Variants in SPTBN2 observed in about 807,000 individuals in gnomAD.
The protein encoded by SPTBN2 is spectrin beta, non-erythrocytic 2.
Under a neutral mutation model 284.2 loss-of-function variants are expected in SPTBN2, and 107 were observed. The ratio of observed to expected loss-of-function variants is 0.38; its 90% CI spans 0.32 to 0.44. The LOEUF (loss-of-function observed/expected upper bound fraction) is 0.44. Ranked by LOEUF, SPTBN2 falls within the 20% of genes least tolerant of loss-of-function variation. SPTBN2 has a pLI of 1.00. For missense variants in SPTBN2, 2,569 were observed against 3,287.1 expected (o/e 0.78, Z 5.34); for synonymous variants, 1,289 against 1,354.8 (o/e 0.95, Z 1.07).
chr11:66,701,147 G>C lies in SPTBN2; in HGVS notation c.2952C>G (p.Thr984=). Residue 984 remains threonine, a synonymous_variant, in exon 17 of 38, where the codon ACC becomes ACG. Transcript: ENST00000533211. ...CAGCCAGATCGTTGCCTAGGCCCTG[G>C]GTGGACTCGATGACTTTGGTCTTCT... ...MREKTKVIES[T]QGLGNDLAGV... The C allele has an allele frequency of 1.9e-6, 3 of 1,613,148 alleles. No individual in the cohort carries two copies. The highest frequency in any genetic ancestry group is 2.5e-6 in the Non-Finnish European group (3 of 1,180,030).
intron 1 of SPTBN2, among the ~76,000 whole-genome samples, chr11:66,734,568 A>G (rs1314589874): frequency 6.6e-6 from 1 of 152,126 alleles, no homozygotes; most frequent in African/African-American, 2.4e-5. Context: ...CTCATCCTTC[A>G]GGTATCAATT....
In SPTBN2 at chr11:66,691,498, G is replaced by T; in HGVS notation, c.5351C>A (p.Ala1784Asp). The T allele has an allele frequency of 2.5e-6, 4 of 1,612,200 alleles. No individual in the cohort carries two copies. The highest frequency in any genetic ancestry group is 2.5e-6 in the Non-Finnish European group (3 of 1,180,020). The change falls in exon 27 of 38, where the codon GCT becomes GAT. Residue 1784 changes from alanine to aspartate, a missense_variant. By Grantham distance (126) the Ala-to-Asp change is moderately radical. Around this residue, in one of 6 missense-constraint regions of SPTBN2, gnomAD observed 1,130 missense variants for 1,317.3 expected, o/e 0.86. Coordinates refer to ENST00000533211, the MANE Select transcript of SPTBN2 (RefSeq NM_006946.4). This position sits in a 1 kb window ranked among gnomAD's most constrained non-coding sequence, Gnocchi z 8.0. ...TGTGTCCAGCAGCTCAAGCAGGTCA[G>T]CCCAGGCCTCGTTGAGACTGTCCTT... ...EWKDSLNEAW[A>D]DLLELLDTRG...
At position 66,715,986 on chromosome 11, in the gene SPTBN2, G is replaced by A; in HGVS notation, c.158-5C>T. 3.1e-6 allele frequency: 5 copies of A among 1,613,798 alleles called. No individual in the cohort carries two copies. Among genetic ancestry groups the A allele is most frequent in the Non-Finnish European group, 4.2e-6 (5 of 1,179,980 alleles). ...TCTGCACAGCTTCTCGTTCATCTGT[G>A]GTGGCAACATGGGTTTATTTCTGTC... On this transcript the variant is annotated splice_polypyrimidine_tract_variant and splice_region_variant and intron_variant, in intron 3 of 37. Coordinates refer to ENST00000533211, the MANE Select transcript of SPTBN2 (RefSeq NM_006946.4). The surrounding 1 kb of genome is among the most constrained non-coding windows in gnomAD (Gnocchi z 5.3).
At chr11:66,706,129 C>T (rs1333491052) in intron 13 of SPTBN2, among the ~76,000 whole-genome samples, 2 of 152,178 alleles carry the variant, frequency 1.3e-5, no homozygotes, top group African/African-American at 2.4e-5. Flanking sequence ...CGCTCCGCCC[C>T]AGCACCCAGC....
rs748902909 is a variant in SPTBN2 at position 66,685,880 on chromosome 11, C to G, written c.7164G>C (p.Lys2388Asn). 4.3e-6 allele frequency: 7 copies of G among 1,613,802 alleles called. No individual in the cohort carries two copies. In the South Asian group the frequency reaches 4.4e-5, roughly 10 times the overall value. Residue 2388 changes from lysine (K) to asparagine (N), a missense_variant, in exon 38 of 38, where the codon AAG becomes AAC. Coordinates refer to ENST00000533211, the MANE Select transcript of SPTBN2 (RefSeq NM_006946.4). The surrounding 1 kb of genome is among the most constrained non-coding windows in gnomAD (Gnocchi z 4.4). The stretch of plus-strand genomic sequence containing the variant: ...GGGACCTTGCCCCCAACTACTTGTT[C>G]TTCTTAAAGAAGCTGAAGCGTTTTT... The part of the protein sequence containing the change: ...EREKRFSFFK[K>N]NK
intron 1 of SPTBN2, among the ~76,000 whole-genome samples, chr11:66,723,148 G>A (rs918652270): frequency 5.3e-5 from 8 of 151,434 alleles, no homozygotes; most frequent in African/African-American, 1.9e-4. Context: ...TCTAACTTAC[G>A]CAAACACACT....
chr11:66,721,266 C>T lies in SPTBN2; in HGVS notation c.-22-4G>A. 6.2e-7 allele frequency: 1 copy of T among 1,614,064 alleles called. No individual in the cohort carries two copies. Among genetic ancestry groups the T allele is most frequent in the Non-Finnish European group, 8.5e-7 (1 of 1,179,990 alleles). ...GGTGGTAGGCGGCTTCCTGCTCCTGCAAGGAGAATGTGGCCAGTGAGGGGT... is the reference window on the plus strand; with the variant it reads ...GGTGGTAGGCGGCTTCCTGCTCCTGTAAGGAGAATGTGGCCAGTGAGGGGT... On this transcript the variant is annotated splice_region_variant and splice_polypyrimidine_tract_variant and intron_variant, in intron 2 of 37. Coordinates refer to ENST00000533211, the MANE Select transcript of SPTBN2 (RefSeq NM_006946.4).
At chr11:66,706,818 C>G (rs1220522690) in intron 13 of SPTBN2, among the ~76,000 whole-genome samples, 3 of 143,406 alleles carry the variant, frequency 2.1e-5, no homozygotes, top group East Asian at 4.4e-4. Context: ...TTTTTATAGA[C>G]ACGGGGTTTC....
At position 66,699,683 on chromosome 11, in the gene SPTBN2, C is replaced by G. The variant is rs547188591; in HGVS notation, c.3574-75G>C. The G allele has an allele frequency of 1.4e-5, 20 of 1,461,522 alleles. No homozygotes were observed. The African/African-American group carries it at 2.6e-4, about 19-fold the overall frequency. 90.5% of individuals were successfully genotyped at this position (1,461,522 alleles called of 1,614,324 possible). A position where few individuals can be genotyped will look rare whatever the true frequency, so the allele number is the denominator to read the frequency against. ...CCCCTAGGAGGGACCCACCCAGGGGCAAATCTGAGAGGTAGGGACCAACAA... is the reference window on the plus strand; with the variant it reads ...CCCCTAGGAGGGACCCACCCAGGGGGAAATCTGAGAGGTAGGGACCAACAA... On this transcript the variant is annotated intron_variant, in intron 17 of 37. Transcript: ENST00000533211.
chr11:66,686,519 A>C, intron 36 of SPTBN2, 79 bp from the exon 37 acceptor site: 3 of 1,499,296 alleles, frequency 2.0e-6, no homozygotes, highest in Non-Finnish European at 2.8e-6. Flanking sequence ...CGTAATCATG[A>C]CCCAACACCA....
rs1388800268 is a variant in SPTBN2, at chr11:66,691,457, C to T, written c.5392G>A (p.Ala1798Thr). 7 of 1,611,718 alleles carry T rather than the reference C, an allele frequency of 4.3e-6. No individual in the cohort carries two copies. In the South Asian group the frequency reaches 7.7e-5, roughly 18 times the overall value. Residue 1798 changes from alanine (A) to threonine (T), a missense_variant, in exon 27 of 38, where the codon GCC becomes ACC. Ala to Thr is a moderately conservative substitution (Grantham distance 58). Coordinates refer to ENST00000533211, the MANE Select transcript of SPTBN2 (RefSeq NM_006946.4). This position sits in a 1 kb window ranked among gnomAD's most constrained non-coding sequence, Gnocchi z 8.0. ...ELLDTRGQVL[A>T]AAYELQRFLH... is the part of the protein sequence containing the mutation. ...AAGCGCTGCAGCTCGTACGCCGCGGCCAGCACCTGACCCCGTGTGTCCAGC... is the reference window on the plus strand; with the variant it reads ...AAGCGCTGCAGCTCGTACGCCGCGGTCAGCACCTGACCCCGTGTGTCCAGC...
At position 66,715,327 on chromosome 11, in the gene SPTBN2, G is replaced by C. The variant is rs770081222; in HGVS notation, c.378C>G (p.Leu126=). ...TTTCCAAGTGCACTTTCTGCTCCTTGAGGAACTGCAGTGCCTTGTCCACGT... is the reference window on the plus strand; with the variant it reads ...TTTCCAAGTGCACTTTCTGCTCCTTCAGGAACTGCAGTGCCTTGTCCACGT... ...LENVDKALQF[L]KEQKVHLENM... Residue 126 remains leucine (L), a synonymous_variant, in exon 5 of 38, where the codon CTC becomes CTG. Coordinates refer to ENST00000533211, the MANE Select transcript of SPTBN2 (RefSeq NM_006946.4). This position sits in a 1 kb window ranked among gnomAD's most constrained non-coding sequence, Gnocchi z 5.3. 1.2e-6 allele frequency: 2 copies of C among 1,614,112 alleles called. No homozygotes were observed. Among genetic ancestry groups the C allele is most frequent in the African/African-American group, 2.7e-5 (2 of 74,930 alleles).
chr11:66,714,481 T>C (rs1040504798), intron 5 of SPTBN2, 74 bp from the exon 6 acceptor site: 9 of 1,325,430 alleles, frequency 6.8e-6, no homozygotes, highest in Middle Eastern at 1.8e-4. Context: ...CTCAGATAAA[T>C]GGCAGGAAAC....
In SPTBN2 at chr11:66,728,774, G is replaced by C. The variant is rs1365776377; in HGVS notation, c.-147C>G. 6.6e-6 allele frequency: 1 copy of C among 152,010 alleles called. No homozygotes were observed. The highest frequency in any genetic ancestry group is 1.5e-5 in the Non-Finnish European group (1 of 68,042). The allele number at this position is 152,010 out of a possible 1,614,324, so 9.4% of individuals were successfully genotyped here. A position where few individuals can be genotyped will look rare whatever the true frequency, so the allele number is the denominator to read the frequency against. On this transcript the variant is annotated 5_prime_UTR_variant, in exon 1 of 38. Coordinates refer to ENST00000533211, the MANE Select transcript of SPTBN2 (RefSeq NM_006946.4). ...CTATTCTGCTTTTCCTCCAAAATCCGTATCCCCGAGACACGCGATCCTTCC... is the reference window on the plus strand; with the variant it reads ...CTATTCTGCTTTTCCTCCAAAATCCCTATCCCCGAGACACGCGATCCTTCC...
chr11:66,742,292 T>G (rs1485267993), intron 1 of SPTBN2, among the ~76,000 whole-genome samples: 1 of 152,208 alleles, frequency 6.6e-6, no homozygotes, highest in Non-Finnish European at 1.5e-5. Context: ...TATTGCATGC[T>G]GCCTGAATAC....
chr11:66,728,324 C>CGCGCGGGGCGGGCGGCGGCGGG (rs1942712605), intron 1 of SPTBN2: 1 of 144,778 alleles, frequency 6.9e-6, no homozygotes, highest in Non-Finnish European at 1.5e-5. Context: ...GCGCGGGGGG[C>CGCGCGGGGCGGGCGGCGGCGGG]GCGCGGGGCG....
In SPTBN2 at chr11:66,706,181, G is replaced by A. The variant is rs916777158; in HGVS notation, c.1654-344C>T. On this transcript the variant is annotated intron_variant, in intron 13 of 37. Coordinates refer to ENST00000533211, the MANE Select transcript of SPTBN2 (RefSeq NM_006946.4). ...CTCTCCCCAATCCACCCTCCTAGCC[G>A]CTGCCCGCCTGGAAGATGGCAGCAA... Among the ~76,000 whole-genome samples the A allele has an allele frequency of 6.6e-5, 10 of 152,012 alleles. No homozygotes were observed. In the East Asian group the frequency reaches 1.2e-3, roughly 18 times the overall value.
chr11:66,735,149 A>G (rs957292942), intron 1 of SPTBN2, among the ~76,000 whole-genome samples: 5 of 152,122 alleles, frequency 3.3e-5, no homozygotes, highest in African/African-American at 9.7e-5. Flanking sequence ...CCTGGCCAAC[A>G]TGGTGAAACC....
rs1333217450 is a variant in SPTBN2, at chr11:66,685,918, C to T, written c.7126G>A (p.Glu2376Lys). Reference sequence around the variant, plus strand: ...CTGAAGCGTTTTTCTCGCTCTCGTTCTCTGCCGTCTTTGCTGCGGAGCACA... The same window carrying T: ...CTGAAGCGTTTTTCTCGCTCTCGTTTTCTGCCGTCTTTGCTGCGGAGCACA... Reference protein sequence around the residue: ...PVVLRSKDGREREREKRFSFF... With the variant: ...PVVLRSKDGRKREREKRFSFF... The change falls in exon 38 of 38, where the codon GAA becomes AAA. Residue 2376 changes from glutamate to lysine, a missense_variant. Glu to Lys is a moderately conservative substitution (Grantham distance 56, BLOSUM62 1). Coordinates refer to ENST00000533211, the MANE Select transcript of SPTBN2 (RefSeq NM_006946.4). The surrounding 1 kb of genome is among the most constrained non-coding windows in gnomAD (Gnocchi z 4.4). 1 of 1,613,948 alleles carries T rather than the reference C, an allele frequency of 6.2e-7. No individual in the cohort carries two copies. The highest frequency in any genetic ancestry group is 2.2e-5 in the East Asian group (1 of 44,886).
Sources: gnomAD v4.1 joint callset for allele counts (sites outside exome capture counted in the v4.1 genomes callset) on GRCh38, gnomAD v4.1.1 for gene constraint, gnomAD v4.1.1 regional missense constraint, Gnocchi (gnomAD v3.1) non-coding constraint, MANE v1.5 for transcripts, NCBI Gene and HGNC (gene_info 2026-07-23, HGNC 2026-07-21) for gene names.